FUCA1: variants seen among roughly 807,000 people sequenced by gnomAD.
The protein encoded by FUCA1 is alpha-L-fucosidase 1.
A neutral mutation model predicts 56.8 loss-of-function variants in FUCA1; 52 were observed. That is an observed-to-expected ratio of 0.92 (90% CI 0.73 to 1.15). FUCA1 has a LOEUF of 1.15. Ranked by LOEUF, FUCA1 falls within the 50% of genes most tolerant of loss-of-function variation. The probability of loss-of-function intolerance (pLI) is 0.00; values close to 1 mark genes in which losing one functional copy is unlikely to be tolerated. For synonymous variants in FUCA1, 230 were observed against 226.6 expected (o/e 1.02, Z -0.14); for missense variants, 568 against 592.6 (o/e 0.96, Z 0.43).
chr1:23,860,618 A>G (rs1427995054), intron 3 of FUCA1, among the ~76,000 whole-genome samples: 1 of 145,570 alleles, frequency 6.9e-6, no homozygotes, highest in Non-Finnish European at 1.5e-5. Flanking sequence ...GCATTTTGGT[A>G]TATTTCCTCC....
At chr1:23,858,471 C>T (rs1208797676) in intron 4 of FUCA1, among the ~76,000 whole-genome samples, 3 of 152,290 alleles carry the variant, frequency 2.0e-5, no homozygotes, top group South Asian at 2.1e-4. Flanking sequence ...CATGTACAAT[C>T]GTGAAATTTG....
At position 23,846,174 on chromosome 1, in the gene FUCA1, C is replaced by T; in HGVS notation, c.1161-1G>A. 6.2e-7 allele frequency: 1 copy of T among 1,607,900 alleles called. No homozygotes were observed. The highest frequency in any genetic ancestry group is 8.5e-7 in the Non-Finnish European group (1 of 1,174,472). ...AACAGCCGATCCCTTTGAGGTATAC[C>T]TGGGAAAACAGAAACAACACTGTCA... On this transcript the variant is annotated splice_acceptor_variant, in intron 6 of 7. Transcript: ENST00000374479. LOFTEE classifies it high-confidence loss of function.
At chr1:23,845,974 G>C in intron 7 of FUCA1, 100 bp downstream of exon 7, 2 of 1,512,264 alleles carry the variant, frequency 1.3e-6, no homozygotes, top group South Asian at 2.2e-5. Flanking sequence ...GTCTAAAAGA[G>C]GTGTGAATAT....
intron 6 of FUCA1, 122 bp downstream of exon 6, chr1:23,848,527 T>C: frequency 2.2e-6 from 2 of 920,430 alleles, no homozygotes; most frequent in Non-Finnish European, 3.5e-6. Flanking sequence ...TATAGGAAAA[T>C]AACCTTCTGG....
Position 23,858,643 on chromosome 1 carries a change from C to T in FUCA1, c.768+1155G>A, listed in dbSNP as rs375076073. Among the ~76,000 whole-genome samples the T allele has an allele frequency of 2.0e-5, 3 of 152,192 alleles. No homozygotes were observed. The South Asian group carries it at 6.2e-4, about 32-fold the overall frequency. On this transcript the variant is annotated intron_variant, in intron 4 of 7. Coordinates refer to ENST00000374479, the MANE Select transcript of FUCA1 (RefSeq NM_000147.5). ...TGGATATAAGGGAAGTAAGTGTGTCCCTTGAGAGTTAAACTATAAAATCAA... is the reference window on the plus strand; with the variant it reads ...TGGATATAAGGGAAGTAAGTGTGTCTCTTGAGAGTTAAACTATAAAATCAA...
At chr1:23,865,251 G>A (rs776253875) in intron 2 of FUCA1, among the ~76,000 whole-genome samples, 3 of 152,122 alleles carry the variant, frequency 2.0e-5, no homozygotes, top group Non-Finnish European at 4.4e-5. Flanking sequence ...CTTCTGTAAC[G>A]GTGTCCCCTT....
chr1:23,851,473 T>G (rs1241621423), intron 5 of FUCA1, among the ~76,000 whole-genome samples: 2 of 152,180 alleles, frequency 1.3e-5, no homozygotes, highest in African/African-American at 2.4e-5. Context: ...CTTGTGTAAC[T>G]CTAATTATTT....
chr1:23,850,967 T>TG (rs935880798), intron 5 of FUCA1, among the ~76,000 whole-genome samples: 1 of 151,810 alleles, frequency 6.6e-6, no homozygotes, highest in Non-Finnish European at 1.5e-5. Flanking sequence ...ATAATAGAGA[T>TG]GGGGTCTTTC....
intron 5 of FUCA1, among the ~76,000 whole-genome samples, chr1:23,853,275 CCCGG>C (rs1215374043): frequency 6.6e-6 from 1 of 151,736 alleles, no homozygotes; most frequent in Admixed American, 6.5e-5. Flanking sequence ...AGCCTCTCCG[CCCGG>C]CAGCCACCCC....
chr1:23,862,051 C>T (rs977221928), intron 3 of FUCA1, among the ~76,000 whole-genome samples: 3 of 152,142 alleles, frequency 2.0e-5, no homozygotes, highest in African/African-American at 4.8e-5. Flanking sequence ...TAGCCAAGTA[C>T]GATAAAAGAG....
At chr1:23,852,162 T>C (rs985985600) in intron 5 of FUCA1, among the ~76,000 whole-genome samples, 2 of 151,860 alleles carry the variant, frequency 1.3e-5, no homozygotes, top group Non-Finnish European at 2.9e-5. Context: ...CCATGGCTCA[T>C]GCCTGTAATC....
At chr1:23,865,351 C>A in intron 2 of FUCA1, 140 bp downstream of exon 2, 1 of 1,064,744 alleles carries the variant, frequency 9.4e-7, no homozygotes, top group Non-Finnish European at 1.4e-6. Context: ...ACCTAGAAAA[C>A]ACACAGGAGT....
chr1:23,857,452 C>T (rs963455000), intron 4 of FUCA1, among the ~76,000 whole-genome samples: 1 of 152,048 alleles, frequency 6.6e-6, no homozygotes, highest in African/African-American at 2.4e-5. Flanking sequence ...TAGGGATGAA[C>T]TGCACATCTG....
intron 6 of FUCA1, among the ~76,000 whole-genome samples, chr1:23,847,234 T>C (rs1220144724): frequency 6.6e-6 from 1 of 152,200 alleles, no homozygotes; most frequent in Non-Finnish European, 1.5e-5. Flanking sequence ...ATAGAGCCAT[T>C]TACCTTATTA....
intron 4 of FUCA1, among the ~76,000 whole-genome samples, chr1:23,858,875 C>G (rs1019230647): frequency 6.6e-6 from 1 of 152,100 alleles, no homozygotes; most frequent in South Asian, 2.1e-4. Flanking sequence ...AGCCTCCCCC[C>G]ACATCAGCCT....
chr1:23,858,849 G>A (rs910840932), intron 4 of FUCA1, among the ~76,000 whole-genome samples: 10 of 152,166 alleles, frequency 6.6e-5, no homozygotes, highest in Non-Finnish European at 1.3e-4. Flanking sequence ...TTGGGCTCAA[G>A]TGATCCTCCC....
chr1:23,846,745 C>G (rs1484010459), intron 6 of FUCA1, among the ~76,000 whole-genome samples: 1 of 152,096 alleles, frequency 6.6e-6, no homozygotes, highest in African/African-American at 2.4e-5. Flanking sequence ...CCATACCCTG[C>G]TAATTTTTGT....
chr1:23,866,253 A>C (rs920792663), intron 1 of FUCA1, among the ~76,000 whole-genome samples: 1 of 152,246 alleles, frequency 6.6e-6, no homozygotes, highest in African/African-American at 2.4e-5. Flanking sequence ...CAGAGGTTGC[A>C]GTGAGCCGAG....
intron 3 of FUCA1, 55 bp from the exon 4 acceptor site, chr1:23,859,958 A>T: frequency 7.9e-7 from 1 of 1,265,130 alleles, no homozygotes; most frequent in South Asian, 1.2e-5. Context: ...TCACAGTAAA[A>T]TCTTATGGAC....
Sources: gnomAD v4.1 joint callset for allele counts (sites outside exome capture counted in the v4.1 genomes callset) on GRCh38, gnomAD v4.1.1 for gene constraint, MANE v1.5 for transcripts, NCBI Gene and HGNC (gene_info 2026-07-23, HGNC 2026-07-21) for gene names.